Variants in SEL1L3 observed in about 807,000 individuals in gnomAD.
SEL1L3 encodes SEL1L family member 3, also known as protein sel-1 homolog 3.
SEL1L3 carries 76 observed loss-of-function variants against 142.8 expected under a neutral mutation model. That is an observed-to-expected ratio of 0.53 (90% CI 0.44 to 0.64). The LOEUF is 0.64. Ranked by LOEUF, SEL1L3 falls within the 30% of genes least tolerant of loss-of-function variation. SEL1L3 has a pLI of 0.00. For synonymous variants in SEL1L3, 504 were observed against 519.6 expected (o/e 0.97, Z 0.41); for missense variants, 1,262 against 1,381.7 (o/e 0.91, Z 1.37).
At chr4:25,843,383 G>A (rs1261940298) in intron 2 of SEL1L3, among the ~76,000 whole-genome samples, 2 of 152,168 alleles carry the variant, frequency 1.3e-5, no homozygotes, top group East Asian at 1.9e-4. Context: ...GGCACTCCAC[G>A]TGGTGAGAAA....
intron 13 of SEL1L3, among the ~76,000 whole-genome samples, chr4:25,785,903 T>A (rs2109180330): frequency 6.6e-6 from 1 of 152,302 alleles, no homozygotes; most frequent in South Asian, 2.1e-4. Flanking sequence ...AGAGCTGCAA[T>A]GACAACCCAC....
chr4:25,863,109 T>TCTGGCCCC (rs1717862455), upstream of SEL1L3: 1 of 120,598 alleles, frequency 8.3e-6, no homozygotes, highest in African/African-American at 3.2e-5. Flanking sequence ...GGCCGCTCCC[T>TCTGGCCCC]CTGGCCCCCG....
At chr4:25,793,823 T>C (rs1712527519) in intron 11 of SEL1L3, among the ~76,000 whole-genome samples, 1 of 152,180 alleles carries the variant, frequency 6.6e-6, no homozygotes, top group Non-Finnish European at 1.5e-5. Context: ...AAATCTAGGC[T>C]CCACTACTCA....
intron 22 of SEL1L3, 21 bp from the exon 23 acceptor site, chr4:25,757,627 C>T (rs1299972512): frequency 6.4e-7 from 1 of 1,556,348 alleles, no homozygotes; most frequent in African/African-American, 1.4e-5. Context: ...CAGAAGCACG[C>T]ATTAGTGACT....
chr4:25,837,002 T>C (rs1715870915), intron 2 of SEL1L3, among the ~76,000 whole-genome samples: 1 of 152,090 alleles, frequency 6.6e-6, no homozygotes, highest in South Asian at 2.1e-4. Context: ...ATCTTCATGG[T>C]TTGTTACAAG....
At chr4:25,835,832 T>G (rs896218232) in intron 2 of SEL1L3, among the ~76,000 whole-genome samples, 1 of 152,246 alleles carries the variant, frequency 6.6e-6, no homozygotes, top group African/African-American at 2.4e-5. Flanking sequence ...AGAGGCACGG[T>G]TGCCAAAATA....
chr4:25,819,033 C>A (rs1714582774), intron 8 of SEL1L3, among the ~76,000 whole-genome samples: 1 of 152,218 alleles, frequency 6.6e-6, no homozygotes, highest in African/African-American at 2.4e-5. Flanking sequence ...CTGAAATACT[C>A]AATTCGCTTT....
chr4:25,859,182 AG>A (rs1437338842), intron 1 of SEL1L3, among the ~76,000 whole-genome samples: 1 of 152,236 alleles, frequency 6.6e-6, no homozygotes, highest in African/African-American at 2.4e-5. Context: ...CCCGTTGGGC[AG>A]GGAAAGTTCT....
the SEL1L3 span, among the ~76,000 whole-genome samples, chr4:25,724,484 G>C: frequency 6.6e-6 from 1 of 152,078 alleles, no homozygotes; most frequent in East Asian, 1.9e-4. Flanking sequence ...GCTCATGCCT[G>C]TAATCTCAGC....
At chr4:25,732,111 GAGAA>G in the SEL1L3 span, among the ~76,000 whole-genome samples, 2 of 152,058 alleles carry the variant, frequency 1.3e-5, no homozygotes, top group East Asian at 1.9e-4. Flanking sequence ...AAGAAAGAGA[GAGAA>G]AGAGAGGCTG....
rs1321101825 is a variant in SEL1L3, at chr4:25,804,717, C to T, written c.1600G>A (p.Gly534Ser). 5.0e-6 allele frequency: 8 copies of T among 1,613,556 alleles called. No homozygotes were observed. Among genetic ancestry groups the T allele is most frequent in the Non-Finnish European group, 5.9e-6 (7 of 1,179,692 alleles). The change falls in exon 10 of 24, where the codon GGT becomes AGT. Residue 534 changes from glycine to serine, a missense_variant. Transcript: ENST00000399878. ...RNQNESVSEI[G>S]GKIFEKAVKR... ...ACAGCCTTCTCAAATATCTTCCCAC[C>T]GATTTCTGATACAGATTCATTTTGG...
At chr4:25,781,314 G>T (rs1719985950) in intron 15 of SEL1L3, among the ~76,000 whole-genome samples, 1 of 152,076 alleles carries the variant, frequency 6.6e-6, no homozygotes, top group Non-Finnish European at 1.5e-5. Flanking sequence ...CCTGGCACTG[G>T]GTGGGTATTC....
chr4:25,802,221 A>G, intron 11 of SEL1L3, 62 bp downstream of exon 11: 1 of 1,469,140 alleles, frequency 6.8e-7, no homozygotes. Context: ...ACAGGGGCAG[A>G]CACTTCATGA....
At chr4:25,752,969 A>G (rs1240978219) in intron 23 of SEL1L3, among the ~76,000 whole-genome samples, 2 of 152,252 alleles carry the variant, frequency 1.3e-5, no homozygotes, top group Non-Finnish European at 2.9e-5. Flanking sequence ...TATCTCAACT[A>G]CAACAGGCAG....
chr4:25,843,946 C>A (rs955301670), intron 2 of SEL1L3, among the ~76,000 whole-genome samples: 1 of 152,228 alleles, frequency 6.6e-6, no homozygotes, highest in African/African-American at 2.4e-5. Context: ...ACTTCCAGAA[C>A]GCCCGGGCAC....
Position 25,802,387 on chromosome 4 carries a change from G to A in SEL1L3, c.1852C>T (p.Gln618Ter). 6.2e-7 allele frequency: 1 copy of A among 1,613,526 alleles called. No individual in the cohort carries two copies. Among genetic ancestry groups the A allele is most frequent in the Non-Finnish European group, 8.5e-7 (1 of 1,179,590 alleles). Reference sequence around the variant, plus strand: ...TCCAGGGGGTAGTTGTCAATACCCTGGTAGTGTTTATACCCAAGATTCATT... The same window carrying A: ...TCCAGGGGGTAGTTGTCAATACCCTAGTAGTGTTTATACCCAAGATTCATT... ...SSMNLGYKHY[Q>*]GIDNYPLDWE... Residue 618 changes from glutamine to a stop codon, truncating the protein, a stop_gained, in exon 11 of 24, where the codon CAG (glutamine) becomes TAG (stop). Coordinates refer to ENST00000399878, the MANE Select transcript of SEL1L3 (RefSeq NM_015187.5). LOFTEE classifies it high-confidence loss of function.
the SEL1L3 span, among the ~76,000 whole-genome samples, chr4:25,715,819 A>C: frequency 1.3e-5 from 2 of 152,160 alleles, no homozygotes; most frequent in Admixed American, 1.3e-4. Context: ...AAAAAACCCA[A>C]GATGCATAAC....
intron 9 of SEL1L3, among the ~76,000 whole-genome samples, chr4:25,806,185 C>T (rs1577633786): frequency 6.6e-6 from 1 of 151,814 alleles, no homozygotes; most frequent in Non-Finnish European, 1.5e-5. Flanking sequence ...ACTACAGGCG[C>T]CCGCCAGCAC....
At chr4:25,833,153 C>T (rs1443846430) in intron 4 of SEL1L3, 43 bp from the exon 5 acceptor site, 2 of 1,114,468 alleles carry the variant, frequency 1.8e-6, no homozygotes, top group Middle Eastern at 3.9e-4. Context: ...CAAAAAATAT[C>T]TACGAGTGAA....
Sources: gnomAD v4.1 joint callset for allele counts (sites outside exome capture counted in the v4.1 genomes callset) on GRCh38, gnomAD v4.1.1 for gene constraint, MANE v1.5 for transcripts, NCBI Gene and HGNC (gene_info 2026-07-23, HGNC 2026-07-21) for gene names.